CCDC7: variants seen among roughly 807,000 people sequenced by gnomAD.
CCDC7 encodes the protein coiled-coil domain containing 7.
In CCDC7, 183 loss-of-function variants were observed where a neutral mutation model predicts 196.9. The observed-to-expected ratio is 0.93, with a 90% confidence interval of 0.82 to 1.05. CCDC7 has a LOEUF of 1.05. Among genes scored for constraint, CCDC7 ranks in the 50% least tolerant of loss-of-function variants. The pLI is 0.00. For missense variants in CCDC7, 1,540 were observed against 1,482.2 expected, an observed-to-expected ratio of 1.04 and a Z score of -0.64; for synonymous variants, 525 against 484.6, an observed-to-expected ratio of 1.08 and a Z score of -1.10.
intron 28 of CCDC7, among the ~76,000 whole-genome samples, chr10:32,763,827 G>C (rs1315625934): frequency 6.6e-6 from 1 of 151,784 alleles, no homozygotes; most frequent in Non-Finnish European, 1.5e-5. Context: ...AGGGAAGGGG[G>C]ACAAATGGGG....
chr10:32,569,139 A>T (rs1286138582), intron 15 of CCDC7, among the ~76,000 whole-genome samples: 1 of 152,174 alleles, frequency 6.6e-6, no homozygotes, highest in African/African-American at 2.4e-5. Flanking sequence ...CTGTCTTCTT[A>T]TGTATCTAGC....
chr10:32,619,273 A>T lies in CCDC7; in HGVS notation c.1802-14981A>T, dbSNP rs572514048. Among the ~76,000 whole-genome samples the T allele has an allele frequency of 3.9e-5, 6 of 152,216 alleles. No homozygotes were observed. In the South Asian group the frequency reaches 1.2e-3, roughly 32 times the overall value. ...AAGAGAAAATGACTTGTACATCTGT[A>T]AAACGAAAGAGATTCCATTATAAAG... is the stretch of plus-strand genomic sequence containing the variant. On this transcript the variant is annotated intron_variant, in intron 18 of 41. Coordinates refer to ENST00000639629, the Ensembl canonical transcript of CCDC7.
At chr10:32,555,167 A>G (rs2054146542) in intron 13 of CCDC7, among the ~76,000 whole-genome samples, 1 of 152,142 alleles carries the variant, frequency 6.6e-6, no homozygotes, top group African/African-American at 2.4e-5. Flanking sequence ...GGGAGTGCAG[A>G]TATCTTTTTA....
chr10:32,607,559 G>A (rs183202828), intron 18 of CCDC7, among the ~76,000 whole-genome samples: 295 of 152,168 alleles, frequency 1.9e-3, no homozygotes, highest in Middle Eastern at 6.8e-3. Context: ...ATTTTATCAA[G>A]TTTTTTCAGT....
intron 29 of CCDC7, among the ~76,000 whole-genome samples, chr10:32,789,809 C>T (rs1592769418): frequency 6.6e-6 from 1 of 152,148 alleles, no homozygotes; most frequent in East Asian, 1.9e-4. Flanking sequence ...TTTCTTTTGC[C>T]CCCTTTGTGC....
At chr10:32,812,831 AC>A (rs1170573921) in intron 30 of CCDC7, among the ~76,000 whole-genome samples, 1 of 152,102 alleles carries the variant, frequency 6.6e-6, no homozygotes, top group Non-Finnish European at 1.5e-5. Context: ...TTTCAAATGA[AC>A]CCGTCCTTCT....
intron 20 of CCDC7, among the ~76,000 whole-genome samples, chr10:32,662,521 C>T (rs1407606159): frequency 1.3e-5 from 2 of 152,032 alleles, no homozygotes; most frequent in East Asian, 1.9e-4. Context: ...CTGTGTTGTG[C>T]CCCCATGACT....
intron 24 of CCDC7, among the ~76,000 whole-genome samples, chr10:32,697,096 G>T (rs2077837907): frequency 6.6e-6 from 1 of 152,096 alleles, no homozygotes; most frequent in South Asian, 2.1e-4. Flanking sequence ...AATGTAGAAT[G>T]AGTGGGAGCC....
rs1352307926 is a variant in CCDC7 at position 32,699,580 on chromosome 10, T to G, written c.2458+4588T>G. Among the ~76,000 whole-genome samples the G allele has an allele frequency of 7.4e-5, 11 of 148,970 alleles. 2 individuals are homozygous for G. The highest frequency in any genetic ancestry group is 2.6e-4 in the African/African-American group (10 of 38,378). On this transcript the variant is annotated intron_variant, in intron 24 of 41. Coordinates refer to ENST00000639629, the Ensembl canonical transcript of CCDC7. ...TTGGGTATATACCCAGTAATGGGAGTGCTGGGTCAAATGGTATTTCTAGTT... is the reference window on the plus strand; with the variant it reads ...TTGGGTATATACCCAGTAATGGGAGGGCTGGGTCAAATGGTATTTCTAGTT...
At chr10:32,839,599 G>A (rs767389908) in intron 33 of CCDC7, among the ~76,000 whole-genome samples, 2 of 151,824 alleles carry the variant, frequency 1.3e-5, no homozygotes, top group African/African-American at 4.8e-5. Flanking sequence ...AATCATCAAG[G>A]CAGAAAGTCA....
chr10:32,598,435 C>G (rs7909695), intron 18 of CCDC7, among the ~76,000 whole-genome samples: 21,673 of 152,206 alleles, frequency 0.14, 1,894 homozygotes, highest in African/African-American at 0.25. Flanking sequence ...AGGGAATTCC[C>G]TGATCCCTTG....
chr10:32,649,653 A>G (rs2068377619), intron 20 of CCDC7, among the ~76,000 whole-genome samples: 1 of 152,214 alleles, frequency 6.6e-6, no homozygotes, highest in African/African-American at 2.4e-5. Context: ...AATGCCAATG[A>G]ATTGTTAATT....
intron 28 of CCDC7, among the ~76,000 whole-genome samples, chr10:32,768,060 C>T (rs932466976): frequency 6.6e-6 from 1 of 151,414 alleles, no homozygotes; most frequent in African/African-American, 2.4e-5. Context: ...TTTGAAAATA[C>T]AGAGAAGAAA....
At chr10:32,814,080 C>G (rs914707465) in intron 30 of CCDC7, among the ~76,000 whole-genome samples, 4 of 152,148 alleles carry the variant, frequency 2.6e-5, no homozygotes, top group African/African-American at 9.7e-5. Flanking sequence ...GCCTCAGCCT[C>G]CCAAGTAGCT....
chr10:32,639,897 G>T (rs568045229), intron 20 of CCDC7, among the ~76,000 whole-genome samples: 1 of 152,132 alleles, frequency 6.6e-6, no homozygotes, highest in African/African-American at 2.4e-5. Context: ...GATTACAAGC[G>T]TGAGCCACTG....
rs150143398 is a variant in CCDC7 at position 32,561,912 on chromosome 10, A to C, written c.1135-3646A>C. Among the ~76,000 whole-genome samples, 1,064 of 152,322 alleles carry C rather than the reference A, an allele frequency of 7.0e-3. 13 individuals are homozygous for C. The highest frequency in any genetic ancestry group is 0.024 in the African/African-American group (1,015 of 41,562). On this transcript the variant is annotated intron_variant, in intron 13 of 41. Transcript: ENST00000639629. ...AATTGATAGACCACTAGCAATATTAATAAAGAAGAAAAGAGAGAAGAATCA... is the reference window on the plus strand; with the variant it reads ...AATTGATAGACCACTAGCAATATTACTAAAGAAGAAAAGAGAGAAGAATCA...
intron 13 of CCDC7, among the ~76,000 whole-genome samples, chr10:32,563,402 C>T (rs1314882808): frequency 6.6e-6 from 1 of 152,194 alleles, no homozygotes; most frequent in Non-Finnish European, 1.5e-5. Context: ...TCCAACTATA[C>T]TACAAGGCTA....
intron 36 of CCDC7, 37 bp downstream of exon 37, chr10:32,845,996 T>C (rs762019067): frequency 1.4e-6 from 2 of 1,431,158 alleles, no homozygotes; most frequent in Non-Finnish European, 2.0e-6. Flanking sequence ...ATATTTAGGC[T>C]TATTTATATT....
chr10:32,824,679 C>A (rs935411814), intron 32 of CCDC7, 75 bp downstream of exon 33: 2 of 905,370 alleles, frequency 2.2e-6, no homozygotes, highest in Non-Finnish European at 1.8e-6. Flanking sequence ...TCTCTAATGA[C>A]AACAGTACCT....
Sources: gnomAD v4.1 joint callset for allele counts (sites outside exome capture counted in the v4.1 genomes callset) on GRCh38, gnomAD v4.1.1 for gene constraint, MANE v1.5 for transcripts, NCBI Gene and HGNC (gene_info 2026-07-23, HGNC 2026-07-21) for gene names.